Variants in NOMO1 observed in about 807,000 individuals in gnomAD.
NOMO1 encodes the protein NODAL modulator 1, also known as nodal modulator 3.
NOMO1 carries 40 observed loss-of-function variants against 133.8 expected under a neutral mutation model. That is an observed-to-expected ratio of 0.30 (90% confidence interval 0.23 to 0.39). The LOEUF is 0.39. Among genes scored for constraint, NOMO1 ranks in the 10% least tolerant of loss-of-function variants. The pLI, the probability that NOMO1 is intolerant of heterozygous loss-of-function variation, is 1.00. For missense variants in NOMO1, 462 were observed against 1,419.9 expected (o/e 0.33, Z 10.84); for synonymous variants, 236 against 570.5 (o/e 0.41, Z 8.36).
At chr16:14,871,089 C>T (rs1964074803) in intron 16 of NOMO1, among the ~76,000 whole-genome samples, 1 of 151,248 alleles carries the variant, frequency 6.6e-6, no homozygotes, top group Admixed American at 6.6e-5. Flanking sequence ...TTCCTTGTAT[C>T]TTCCTGAAAT....
chr16:14,852,286 T>C, intron 6 of NOMO1, 144 bp from the exon 7 acceptor site: 2 of 604,774 alleles, frequency 3.3e-6, no homozygotes, highest in South Asian at 4.0e-5. Context: ...AGACTCCGTC[T>C]CAAGAAAAGA....
Position 14,862,961 on chromosome 16 carries a change from T to G in NOMO1, c.1221-52T>G. ...CATCTTTTTTGGTCTATAAGAGCCTTTCCTGTTATAATTGAGTCCTCGTGC... is the reference window on the plus strand; with the variant it reads ...CATCTTTTTTGGTCTATAAGAGCCTGTCCTGTTATAATTGAGTCCTCGTGC... On this transcript the variant is annotated intron_variant, in intron 11 of 30. Coordinates refer to ENST00000287667, the MANE Select transcript of NOMO1 (RefSeq NM_014287.4). 3.1e-6 allele frequency: 5 copies of G among 1,610,324 alleles called. No individual in the cohort carries two copies. The South Asian group carries it at 4.4e-5, about 14-fold the overall frequency.
At chr16:14,839,790 G>A (rs952471470) in intron 2 of NOMO1, among the ~76,000 whole-genome samples, 3 of 150,982 alleles carry the variant, frequency 2.0e-5, no homozygotes, top group African/African-American at 7.3e-5. Flanking sequence ...CAGCCAGGCT[G>A]GAGTGCAGTG....
At chr16:14,869,014 C>T (rs574712820) in intron 16 of NOMO1, among the ~76,000 whole-genome samples, 1 of 151,868 alleles carries the variant, frequency 6.6e-6, no homozygotes, top group East Asian at 1.9e-4. Context: ...TCTTGGCTCA[C>T]TGCAGCCTCC....
At chr16:14,835,783 GT>G (rs1216706842) in intron 1 of NOMO1, among the ~76,000 whole-genome samples, 12 of 151,826 alleles carry the variant, frequency 7.9e-5, no homozygotes, top group African/African-American at 2.7e-4. Context: ...TCTTGATTGT[GT>G]TTTTTGTGTT....
chr16:14,855,467 C>A (rs1421265165), intron 9 of NOMO1, among the ~76,000 whole-genome samples: 1 of 151,762 alleles, frequency 6.6e-6, no homozygotes, highest in East Asian at 1.9e-4. Flanking sequence ...TAATCACTTT[C>A]TTTTAATATT....
chr16:14,857,326 G>A lies in NOMO1; in HGVS notation c.1069+4G>A. 6.4e-7 allele frequency: 1 copy of A among 1,567,186 alleles called. No individual in the cohort carries two copies. The highest frequency in any genetic ancestry group is 8.7e-7 in the Non-Finnish European group (1 of 1,144,606). ...ACCCTGAATAACCAAATCAAAGGTG[G>A]GCTGACACAGCAGCCCCAGGCTGAT... is the stretch of plus-strand genomic sequence containing the variant. On this transcript the variant is annotated splice_donor_region_variant and intron_variant, in intron 10 of 30. Transcript: ENST00000287667.
intron 18 of NOMO1, among the ~76,000 whole-genome samples, chr16:14,873,554 G>A (rs447645): frequency 4.7e-5 from 7 of 148,802 alleles, no homozygotes; most frequent in East Asian, 4.0e-4. Flanking sequence ...TTAGCTGGGG[G>A]TGGATTTGCC....
intron 2 of NOMO1, among the ~76,000 whole-genome samples, chr16:14,839,204 G>T (rs1033639395): frequency 1.3e-5 from 2 of 151,700 alleles, no homozygotes; most frequent in Non-Finnish European, 1.5e-5. Flanking sequence ...ACAGGCACCT[G>T]CCACTACACC....
rs557203354 is a variant in NOMO1 at position 14,858,567 on chromosome 16, C to T, written c.1220+912C>T. On this transcript the variant is annotated intron_variant, in intron 11 of 30. Coordinates refer to ENST00000287667, the MANE Select transcript of NOMO1 (RefSeq NM_014287.4). ...CGCGGCATGAGCAAAGTCAGGCAGTCTCACAGCAGCATGAGGTGGCTGCGG... is the reference window on the plus strand; with the variant it reads ...CGCGGCATGAGCAAAGTCAGGCAGTTTCACAGCAGCATGAGGTGGCTGCGG... 8.8e-4 allele frequency among the ~76,000 whole-genome samples: 133 copies of T among 151,936 alleles called. 2 individuals carry two copies. In the East Asian group the frequency reaches 0.016, roughly 18 times the overall value.
intron 29 of NOMO1, among the ~76,000 whole-genome samples, chr16:14,891,414 T>G (rs1964403750): frequency 6.6e-6 from 1 of 151,992 alleles, no homozygotes; most frequent in African/African-American, 2.4e-5. Flanking sequence ...ACTTGGTTTC[T>G]GCAAAGATTT....
intron 24 of NOMO1, among the ~76,000 whole-genome samples, chr16:14,880,990 C>G (rs937108350): frequency 1.3e-5 from 2 of 150,362 alleles, no homozygotes; most frequent in Non-Finnish European, 3.0e-5. Context: ...TCAAGACCAG[C>G]CTAGGCAACA....
At chr16:14,849,579 TAC>T (rs1963725746) in intron 6 of NOMO1, among the ~76,000 whole-genome samples, 1 of 140,096 alleles carries the variant, frequency 7.1e-6, no homozygotes, top group Admixed American at 7.1e-5. Flanking sequence ...CATTTATGGA[TAC>T]AGTCTTTTTT....
rs1964492953 is a variant in NOMO1, at chr16:14,895,919, CAAA to C, written c.*275_*277del. 2.5e-6 allele frequency: 4 copies of C among 1,575,922 alleles called. No individual in the cohort carries two copies. The highest frequency in any genetic ancestry group is 1.7e-6 in the Non-Finnish European group (2 of 1,157,802). On this transcript the variant is annotated 3_prime_UTR_variant, in exon 31 of 31. Transcript: ENST00000287667. ...AAATATAATTTATTATTATTTTTGT[CAAA>C]GAAGTATTTAAGCTGTGCTGTGGTG...
chr16:14,892,224 G>A (rs189431076), intron 29 of NOMO1, among the ~76,000 whole-genome samples: 4 of 151,612 alleles, frequency 2.6e-5, no homozygotes, highest in African/African-American at 9.7e-5. Context: ...CAGCCTGGGC[G>A]ACAGAGCAAG....
intron 2 of NOMO1, 73 bp downstream of exon 2, chr16:14,838,569 C>G: frequency 6.2e-7 from 1 of 1,607,674 alleles, no homozygotes; most frequent in Non-Finnish European, 8.5e-7. Flanking sequence ...TAACCATGCC[C>G]TTTCCTACAC....
At chr16:14,860,484 G>C (rs1597100648) in intron 11 of NOMO1, among the ~76,000 whole-genome samples, 1 of 151,912 alleles carries the variant, frequency 6.6e-6, no homozygotes, top group East Asian at 1.9e-4. Context: ...GGAAAGCCAT[G>C]GTGTGAATGG....
At chr16:14,850,386 G>A (rs1474781560) in intron 6 of NOMO1, among the ~76,000 whole-genome samples, 1 of 151,846 alleles carries the variant, frequency 6.6e-6, no homozygotes, top group Non-Finnish European at 1.5e-5. Context: ...CCAGCATCTT[G>A]AATTGTATTT....
At chr16:14,884,588 C>T in intron 27 of NOMO1, 106 bp downstream of exon 27, 1 of 1,558,362 alleles carries the variant, frequency 6.4e-7, no homozygotes, top group Non-Finnish European at 8.8e-7. Context: ...TTAGGTGTGA[C>T]AGGTGGAGGT....
Sources: gnomAD v4.1 joint callset for allele counts (sites outside exome capture counted in the v4.1 genomes callset) on GRCh38, gnomAD v4.1.1 for gene constraint, MANE v1.5 for transcripts, NCBI Gene and HGNC (gene_info 2026-07-23, HGNC 2026-07-21) for gene names.